The following SH3KBP1 variants were observed in gnomAD, a reference collection of about 807,000 sequenced individuals.
The protein encoded by SH3KBP1 is SH3 domain containing kinase binding protein 1.
A neutral mutation model predicts 50.1 loss-of-function variants in SH3KBP1; 8 were observed. The observed-to-expected ratio is 0.16, with a 90% confidence interval of 0.09 to 0.29. SH3KBP1 has a LOEUF of 0.29. Among genes scored for constraint, SH3KBP1 ranks in the 10% least tolerant of loss-of-function variants. SH3KBP1 has a pLI of 1.00. For missense variants in SH3KBP1, 377 were observed against 535.2 expected (o/e 0.70, Z 2.92); for synonymous variants, 227 against 218.6 (o/e 1.04, Z -0.34).
chrX:19,634,824 G>T (rs1325318813), intron 7 of SH3KBP1, among the ~76,000 whole-genome samples: 1 of 111,854 alleles, frequency 8.9e-6, no homozygotes, highest in Non-Finnish European at 1.9e-5. Context: ...GTTAACTTCA[G>T]CAGGACACTT....
intron 14 of SH3KBP1, 60 bp from the exon 15 acceptor site, chrX:19,546,110 G>A (rs1301064623): frequency 1.2e-5 from 14 of 1,151,488 alleles, no homozygotes; most frequent in African/African-American, 1.8e-5. Context: ...CACCACTTTC[G>A]TTAATATAAT....
At chrX:19,732,090 T>C (rs897133105) in intron 3 of SH3KBP1, among the ~76,000 whole-genome samples, 1 of 111,667 alleles carries the variant, frequency 9.0e-6, no homozygotes, top group Non-Finnish European at 1.9e-5. Flanking sequence ...TTTGCACATG[T>C]CCACTTTTTT....
chrX:19,817,869 A>C (rs758393159), intron 2 of SH3KBP1, among the ~76,000 whole-genome samples: 64 of 111,806 alleles, frequency 5.7e-4, no homozygotes, highest in Non-Finnish European at 6.8e-4. Flanking sequence ...TCCTCACCTC[A>C]AGTGATCCAC....
intron 12 of SH3KBP1, among the ~76,000 whole-genome samples, chrX:19,573,840 A>G (rs995123844): frequency 9.0e-6 from 1 of 111,416 alleles, no homozygotes; most frequent in African/African-American, 3.3e-5. Context: ...TGCTACATCT[A>G]AACCTGCTGT....
Position 19,775,817 on chromosome X carries a change from G to A in SH3KBP1, c.163-29376C>T, listed in dbSNP as rs762329619. Among the ~76,000 whole-genome samples the A allele has an allele frequency of 5.4e-5, 6 of 111,703 alleles. No homozygotes were observed. The East Asian group carries it at 1.4e-3, about 26-fold the overall frequency. ...GGCCTTTCAGGAAAATTACCTTCTC[G>A]ATTACAGCTAGGAAAGTATCTTAGC... On this transcript the variant is annotated intron_variant, in intron 2 of 17. Coordinates refer to ENST00000397821, the MANE Select transcript of SH3KBP1 (RefSeq NM_031892.3).
intron 3 of SH3KBP1, among the ~76,000 whole-genome samples, chrX:19,724,832 T>A (rs2064173852): frequency 8.9e-6 from 1 of 111,974 alleles, no homozygotes; most frequent in Non-Finnish European, 1.9e-5. Context: ...TGACTGCTTT[T>A]GAGGCAGGGT....
chrX:19,718,012 G>A (rs2063955601), intron 3 of SH3KBP1, among the ~76,000 whole-genome samples: 1 of 110,884 alleles, frequency 9.0e-6, no homozygotes, highest in Non-Finnish European at 1.9e-5. Context: ...CTACTGGGAG[G>A]GGAAGGTATA....
chrX:19,800,513 C>T (rs960890299), intron 2 of SH3KBP1, among the ~76,000 whole-genome samples: 1 of 112,187 alleles, frequency 8.9e-6, no homozygotes. Flanking sequence ...CTATTTACTT[C>T]TAGTCGTATA....
chrX:19,847,664 CATCCTAAGTTTCACCAATG>C (rs2068400321), intron 1 of SH3KBP1, among the ~76,000 whole-genome samples: 1 of 112,231 alleles, frequency 8.9e-6, no homozygotes, highest in African/African-American at 3.2e-5. Flanking sequence ...TTCACGGTTT[CATCCTAAGTTTCACCAATG>C]ATGTCACATA....
At chrX:19,826,402 AG>A (rs1408871578) in intron 2 of SH3KBP1, among the ~76,000 whole-genome samples, 1 of 110,975 alleles carries the variant, frequency 9.0e-6, no homozygotes, top group Non-Finnish European at 1.9e-5. Flanking sequence ...ATACCTGGAC[AG>A]GGCACGGTGG....
At chrX:19,681,405 CATTT>C (rs1318458372) in intron 6 of SH3KBP1, among the ~76,000 whole-genome samples, 1 of 112,803 alleles carries the variant, frequency 8.9e-6, no homozygotes, top group Non-Finnish European at 1.9e-5. Flanking sequence ...TAAAGTGCAG[CATTT>C]ATATTTTAAT....
At chrX:19,592,519 G>A (rs1250514549) in intron 10 of SH3KBP1, among the ~76,000 whole-genome samples, 1 of 111,117 alleles carries the variant, frequency 9.0e-6, no homozygotes, top group Non-Finnish European at 1.9e-5. Context: ...TGAATGTTGT[G>A]TTCTACCAAA....
chrX:19,651,572 T>C (rs1304295425), intron 6 of SH3KBP1, among the ~76,000 whole-genome samples: 1 of 112,536 alleles, frequency 8.9e-6, no homozygotes, highest in African/African-American at 3.2e-5. Flanking sequence ...GCTTAAGACT[T>C]AGAGCTATTC....
At chrX:19,724,159 T>G (rs938290109) in intron 3 of SH3KBP1, among the ~76,000 whole-genome samples, 2 of 110,420 alleles carry the variant, frequency 1.8e-5, no homozygotes, top group African/African-American at 3.3e-5. Flanking sequence ...GTGAGTGTCA[T>G]GAAAAGTGTA....
intron 12 of SH3KBP1, among the ~76,000 whole-genome samples, chrX:19,580,137 G>A (rs984829156): frequency 1.8e-5 from 2 of 111,414 alleles, no homozygotes; most frequent in African/African-American, 6.6e-5. Context: ...CAACCCCAGT[G>A]TGCCTGGCCC....
intron 1 of SH3KBP1, among the ~76,000 whole-genome samples, chrX:19,867,821 T>C (rs927775179): frequency 9.0e-6 from 1 of 111,165 alleles, no homozygotes; most frequent in African/African-American, 3.3e-5. Context: ...AATTAGCGAC[T>C]TAACCTCCCC....
intron 2 of SH3KBP1, among the ~76,000 whole-genome samples, chrX:19,760,941 C>T (rs896444897): frequency 9.3e-6 from 1 of 107,780 alleles, no homozygotes; most frequent in Non-Finnish European, 1.9e-5. Context: ...TACTTGAAGC[C>T]GTGCACTGGC....
intron 16 of SH3KBP1, among the ~76,000 whole-genome samples, chrX:19,539,419 AT>A (rs2064817092): frequency 8.9e-6 from 1 of 111,760 alleles, no homozygotes; most frequent in African/African-American, 3.3e-5. Flanking sequence ...TACTGTATTT[AT>A]TTAAGCGCAC....
At chrX:19,553,941 TA>T (rs1569277421) in intron 13 of SH3KBP1, among the ~76,000 whole-genome samples, 5 of 68,946 alleles carry the variant, frequency 7.3e-5, no homozygotes, top group African/African-American at 3.5e-4. Flanking sequence ...ATATAATATA[TA>T]ATATATATTA....
Sources: allele counts gnomAD v4.1 joint callset (sites outside exome capture counted in the v4.1 genomes callset), GRCh38; gene constraint gnomAD v4.1.1; transcripts MANE v1.5; gene names NCBI Gene and HGNC (gene_info 2026-07-23, HGNC 2026-07-21).